The following CDK5RAP3 variants were observed in gnomAD, a reference collection of about 807,000 sequenced individuals.
CDK5RAP3 encodes the protein CDK5 regulatory subunit associated protein 3.
Under a neutral mutation model 73.3 loss-of-function variants are expected in CDK5RAP3, and 58 were observed. The ratio of observed to expected loss-of-function variants is 0.79; its 90% CI spans 0.64 to 0.98. The LOEUF (loss-of-function observed/expected upper bound fraction) is 0.98. CDK5RAP3 is among the 50% of genes least tolerant of loss of function. The pLI is 0.00. For missense variants in CDK5RAP3, 525 were observed against 615.8 expected (o/e 0.85, Z 1.56); for synonymous variants, 224 against 247.5 (o/e 0.91, Z 0.89).
chr17:47,980,553 C>T, intron 11 of CDK5RAP3, 40 bp from the exon 12 acceptor site: 1 of 1,580,860 alleles, frequency 6.3e-7, no homozygotes. Flanking sequence ...AAGTGTGAGC[C>T]ATCATGTACA....
chr17:47,970,878 C>A (rs1013507619), upstream of CDK5RAP3: 11 of 1,420,660 alleles, frequency 7.7e-6, no homozygotes, highest in African/African-American at 5.7e-5. Context: ...CAGCGCACCC[C>A]CTCCCGTCCC....
chr17:47,971,057 T>C, upstream of CDK5RAP3: 1 of 1,549,266 alleles, frequency 6.5e-7, no homozygotes, highest in South Asian at 1.2e-5. Flanking sequence ...CCCGTTTGTG[T>C]CTAAACGGAG....
intron 9 of CDK5RAP3, among the ~76,000 whole-genome samples, 200 bp downstream of exon 9, chr17:47,977,022 G>A (rs2036432317): frequency 6.6e-6 from 1 of 152,196 alleles, no homozygotes; most frequent in Non-Finnish European, 1.5e-5. Context: ...CGCCCAGGCT[G>A]GAGTGCAGTG....
chr17:47,970,600 C>A, upstream of CDK5RAP3: 1 of 1,453,630 alleles, frequency 6.9e-7, no homozygotes, highest in Non-Finnish European at 9.3e-7. Flanking sequence ...CCTAATCGCC[C>A]AACACGTTGC....
At chr17:47,973,003 G>C (rs1032094450) in intron 2 of CDK5RAP3, among the ~76,000 whole-genome samples, 1 of 152,148 alleles carries the variant, frequency 6.6e-6, no homozygotes, top group Non-Finnish European at 1.5e-5. Context: ...CACATGTACA[G>C]GGTGGTACTT....
At chr17:47,978,071 T>G in intron 10 of CDK5RAP3, 161 bp downstream of exon 10, 1 of 415,986 alleles carries the variant, frequency 2.4e-6, no homozygotes, top group Non-Finnish European at 4.2e-6. Context: ...CAAGAGAGGT[T>G]TTTTTTTTTT....
At chr17:47,974,802 A>T in intron 5 of CDK5RAP3, 1 of 1,197,984 alleles carries the variant, frequency 8.3e-7, no homozygotes, top group Non-Finnish European at 1.0e-6. Context: ...TTTTTCTGGG[A>T]GCGAATATCA....
upstream of CDK5RAP3, chr17:47,970,667 G>T: frequency 6.5e-7 from 1 of 1,535,714 alleles, no homozygotes; most frequent in Non-Finnish European, 8.7e-7. Flanking sequence ...CATGACAAGT[G>T]CCACAAGAGA....
chr17:47,980,499 T>A (rs1313761253), intron 11 of CDK5RAP3, 94 bp from the exon 12 acceptor site: 1 of 1,135,642 alleles, frequency 8.8e-7, no homozygotes, highest in Non-Finnish European at 1.3e-6. Context: ...ACTCCTGGCC[T>A]CAAGCGATCC....
chr17:47,976,814 G>C lies in CDK5RAP3; in HGVS notation c.901G>C (p.Asp301His). The C allele has an allele frequency of 1.2e-6, 2 of 1,603,588 alleles. No individual in the cohort carries two copies. The highest frequency in any genetic ancestry group is 8.5e-7 in the Non-Finnish European group (1 of 1,173,336). The change falls in exon 9 of 14, where the codon GAT becomes CAT. Residue 301 changes from aspartate to histidine, a missense_variant. Asp to His is a moderately conservative substitution (Grantham distance 81, BLOSUM62 -1). This residue lies in a region of CDK5RAP3 where 409 missense variants were observed against 429.8 expected (regional missense o/e 0.95). Transcript: ENST00000338399. ...GIDWGIFPES[D>H]SKDPGGDGID... ...CGACTGGGGCATCTTCCCGGAATCAGATTCAAAGGTGAGGAGGCCTTCTCA... is the reference window on the plus strand; with the variant it reads ...CGACTGGGGCATCTTCCCGGAATCACATTCAAAGGTGAGGAGGCCTTCTCA...
intron 8 of CDK5RAP3, 150 bp downstream of exon 8, chr17:47,976,163 C>T: frequency 9.8e-7 from 1 of 1,019,956 alleles, no homozygotes; most frequent in Non-Finnish European, 1.4e-6. Flanking sequence ...AGGCCCTACT[C>T]CTTTATTTTT....
chr17:47,968,814 C>T (rs866760339), upstream of CDK5RAP3, among the ~76,000 whole-genome samples: 1 of 152,078 alleles, frequency 6.6e-6, no homozygotes, highest in Non-Finnish European at 1.5e-5. Context: ...CCGTGCCCAG[C>T]GTGTTTTTTG....
chr17:47,974,513 A>T, intron 5 of CDK5RAP3, 65 bp downstream of exon 5: 2 of 1,613,218 alleles, frequency 1.2e-6, no homozygotes, highest in Non-Finnish European at 1.7e-6. Context: ...GTTCTGAGAT[A>T]CCAGGCTTAT....
upstream of CDK5RAP3, chr17:47,970,754 A>G: frequency 2.0e-6 from 3 of 1,523,836 alleles, no homozygotes; most frequent in Non-Finnish European, 2.6e-6. Flanking sequence ...GATCGGCGCT[A>G]GGACCCCGCC....
upstream of CDK5RAP3, chr17:47,970,580 C>T: frequency 1.6e-6 from 2 of 1,276,520 alleles, no homozygotes; most frequent in Non-Finnish European, 2.2e-6. Flanking sequence ...TCTTCCTTCC[C>T]CTTCCCTGCC....
chr17:47,979,192 A>T (rs2036496214), intron 11 of CDK5RAP3: 2 of 369,634 alleles, frequency 5.4e-6, no homozygotes, highest in Non-Finnish European at 9.8e-6. Context: ...CTAATGGGGA[A>T]TGCAGACTGG....
At chr17:47,970,833 C>G, upstream of CDK5RAP3, 1 of 1,413,842 alleles carries the variant, frequency 7.1e-7, no homozygotes, top group Non-Finnish European at 9.5e-7. Flanking sequence ...AGGCTGGGCT[C>G]TCGAGCGCCG....
intron 2 of CDK5RAP3, among the ~76,000 whole-genome samples, chr17:47,972,894 A>T (rs2036303005): frequency 6.6e-6 from 1 of 152,162 alleles, no homozygotes. Flanking sequence ...GGACCATCTG[A>T]CCACAAAGCT....
rs1207139052 is a variant in CDK5RAP3, at chr17:47,978,815, T to C, written c.989-14T>C. The stretch of plus-strand genomic sequence containing the variant: ...CCTCTGATCCTTTATCACTTCTCTG[T>C]CTCTTCCTGGCAGCTCCAGAAGGTG... On this transcript the variant is annotated splice_polypyrimidine_tract_variant and intron_variant, in intron 10 of 13. Coordinates refer to ENST00000338399, the MANE Select transcript of CDK5RAP3 (RefSeq NM_176096.3). 2 of 1,607,012 alleles carry C rather than the reference T, an allele frequency of 1.2e-6. No individual in the cohort carries two copies. Among genetic ancestry groups the C allele is most frequent in the African/African-American group, 2.7e-5 (2 of 74,866 alleles).
Sources: gnomAD v4.1 joint callset for allele counts (sites outside exome capture counted in the v4.1 genomes callset) on GRCh38, gnomAD v4.1.1 for gene constraint, gnomAD v4.1.1 regional missense constraint, MANE v1.5 for transcripts, NCBI Gene and HGNC (gene_info 2026-07-23, HGNC 2026-07-21) for gene names.